Variants in DHTKD1 observed in about 807,000 individuals in gnomAD.
The protein encoded by DHTKD1 is 2-oxoadipate dehydrogenase complex component E1.
A neutral mutation model predicts 101.8 loss-of-function variants in DHTKD1; 78 were observed. The ratio of observed to expected loss-of-function variants is 0.77; its 90% CI spans 0.64 to 0.93. DHTKD1 has a LOEUF of 0.93. DHTKD1 is among the 40% of genes least tolerant of loss of function. The probability of loss-of-function intolerance (pLI) is 0.00; values close to 1 mark genes in which losing one functional copy is unlikely to be tolerated. For missense variants in DHTKD1, 1,223 were observed against 1,161.7 expected (o/e 1.05, Z -0.77); for synonymous variants, 462 against 450.3 (o/e 1.03, Z -0.33).
chr10:12,094,923 G>A (rs1833046098), intron 7 of DHTKD1, among the ~76,000 whole-genome samples: 1 of 152,186 alleles, frequency 6.6e-6, no homozygotes, highest in Admixed American at 6.6e-5. Context: ...TTACAGGCAT[G>A]AGCCACCGTG....
At position 12,112,496 on chromosome 10, in the gene DHTKD1, G is replaced by A. The variant is rs985411588; in HGVS notation, c.2155-404G>A. The stretch of plus-strand genomic sequence containing the variant: ...GCTTTTGATTTTTGTCTTAAAGCAC[G>A]CGTGCACACACACACACACACACAC... On this transcript the variant is annotated intron_variant, in intron 12 of 16. Transcript: ENST00000263035. 1.2e-4 allele frequency among the ~76,000 whole-genome samples: 6 copies of A among 48,976 alleles called. No homozygotes were observed. In the East Asian group the frequency reaches 1.9e-3, roughly 16 times the overall value. 32.1% of individuals were successfully genotyped at this position (48,976 alleles called of 152,430 possible).
intron 13 of DHTKD1, among the ~76,000 whole-genome samples, chr10:12,113,301 G>A (rs745599233): frequency 1.2e-4 from 19 of 152,094 alleles, no homozygotes; most frequent in Non-Finnish European, 2.6e-4. Flanking sequence ...GGGTTTAAGC[G>A]ATTCTCCCGC....
intron 2 of DHTKD1, among the ~76,000 whole-genome samples, chr10:12,082,621 T>C (rs1372894714): frequency 1.3e-5 from 2 of 151,422 alleles, no homozygotes; most frequent in Non-Finnish European, 2.9e-5. Flanking sequence ...TTTTTCTTTT[T>C]TTTTTTTGAG....
intron 1 of DHTKD1, among the ~76,000 whole-genome samples, chr10:12,074,080 T>G (rs557796849): frequency 6.6e-6 from 1 of 152,360 alleles, no homozygotes; most frequent in South Asian, 2.1e-4. Context: ...TTATGAACAG[T>G]AAACTGTTTG....
intron 12 of DHTKD1, among the ~76,000 whole-genome samples, chr10:12,111,773 T>G (rs1833333750): frequency 6.6e-6 from 1 of 152,058 alleles, no homozygotes; most frequent in African/African-American, 2.4e-5. Flanking sequence ...AGTTTAAAGG[T>G]GTGAATTAGT....
intron 1 of DHTKD1, among the ~76,000 whole-genome samples, chr10:12,070,228 G>A (rs985690250): frequency 6.6e-6 from 1 of 152,126 alleles, no homozygotes; most frequent in Non-Finnish European, 1.5e-5. Context: ...GCTCATTTGC[G>A]AGACTAATTT....
At chr10:12,109,611 G>T (rs1833299199) in intron 12 of DHTKD1, among the ~76,000 whole-genome samples, 1 of 151,818 alleles carries the variant, frequency 6.6e-6, no homozygotes, top group Non-Finnish European at 1.5e-5. Context: ...TGAAGAAGGA[G>T]CAACCAGTGA....
rs1833544351 is a variant in DHTKD1, at chr10:12,122,696, A to C, written c.*1808A>C. ...TCTTTATTTGAGGGACTTTCCCAAC[A>C]CCAGGTGCTTGGGGATTTCTTAGAG... On this transcript the variant is annotated 3_prime_UTR_variant, in exon 17 of 17. Transcript: ENST00000263035. 2.0e-5 allele frequency: 3 copies of C among 152,154 alleles called. No individual in the cohort carries two copies. The highest frequency in any genetic ancestry group is 7.2e-5 in the African/African-American group (3 of 41,438). 9.4% of individuals were successfully genotyped at this position (152,154 alleles called of 1,614,324 possible). A position where few individuals can be genotyped will look rare whatever the true frequency, so the allele number is the denominator to read the frequency against.
chr10:12,100,287 G>GTTTTTTTTTTTTTGTTTTTTTTTTTTTTT (rs1833144057), intron 9 of DHTKD1, 25 bp downstream of exon 9: 2 of 272,262 alleles, frequency 7.3e-6, no homozygotes, highest in Admixed American at 7.5e-5. Flanking sequence ...TTTTTTTTCT[G>GTTTTTTTTTTTTTGTTTTTTTTTTTTTTT]TTTTTTTTTT....
At position 12,120,816 on chromosome 10, in the gene DHTKD1, A is replaced by G. The variant is rs1275088659; in HGVS notation, c.2688A>G (p.Pro896=). 6.2e-7 allele frequency: 1 copy of G among 1,614,080 alleles called. No individual in the cohort carries two copies. Among genetic ancestry groups the G allele is most frequent in the East Asian group, 2.2e-5 (1 of 44,872 alleles). ...KLRLVGRPPL[P]VPAVGIGTVH... ...GTCTGGTGGGCCGGCCCCCTTTGCC[A>G]GTACCCGCTGTAGGAATTGGCACAG... Residue 896 remains proline, a synonymous_variant, in exon 17 of 17, where the codon CCA becomes CCG. Transcript: ENST00000263035.
chr10:12,081,742 G>A, intron 2 of DHTKD1, 115 bp downstream of exon 2: 1 of 1,162,008 alleles, frequency 8.6e-7, no homozygotes. Flanking sequence ...CAGGTGTGAG[G>A]AGACCCGAGG....
intron 14 of DHTKD1, among the ~76,000 whole-genome samples, chr10:12,118,516 G>A (rs1833457487): frequency 6.6e-6 from 1 of 151,668 alleles, no homozygotes; most frequent in Non-Finnish European, 1.5e-5. Flanking sequence ...CCGAGTAGCT[G>A]GGACTACAGG....
intron 1 of DHTKD1, among the ~76,000 whole-genome samples, chr10:12,075,695 A>G (rs2131347467): frequency 6.6e-6 from 1 of 152,234 alleles, no homozygotes; most frequent in South Asian, 2.1e-4. Context: ...TTTATGAATA[A>G]TTCTATTGCT....
At chr10:12,098,834 G>T (rs968217926) in intron 8 of DHTKD1, among the ~76,000 whole-genome samples, 5 of 152,106 alleles carry the variant, frequency 3.3e-5, no homozygotes, top group Non-Finnish European at 7.4e-5. Context: ...CAAAGTGCTG[G>T]GTTTACAGGT....
chr10:12,108,342 C>T (rs183284432), intron 12 of DHTKD1, among the ~76,000 whole-genome samples: 6 of 151,972 alleles, frequency 3.9e-5, no homozygotes, highest in South Asian at 2.1e-4. Context: ...TGCAGTGGTG[C>T]GATCTTGGCT....
Position 12,069,126 on chromosome 10 carries a change from C to T in DHTKD1, c.93C>T (p.Tyr31=), listed in dbSNP as rs750412332. Reference sequence around the variant, plus strand: ...GCTACCAGACCGAGCGGGGCGTTTACGGCTACCGGCCGAGGAAGCCCGAGA... The same window carrying T: ...GCTACCAGACCGAGCGGGGCGTTTATGGCTACCGGCCGAGGAAGCCCGAGA... ...WRGYQTERGV[Y]GYRPRKPESR... Residue 31 remains tyrosine, a synonymous_variant, in exon 1 of 17, where the codon TAC becomes TAT. Transcript: ENST00000263035. 1.2e-6 allele frequency: 2 copies of T among 1,601,128 alleles called. No homozygotes were observed. The highest frequency in any genetic ancestry group is 2.2e-5 in the South Asian group (2 of 89,424).
In DHTKD1 at chr10:12,089,129, C is replaced by G. The variant is rs1304627337; in HGVS notation, c.861C>G (p.Pro287=). 2 of 1,614,190 alleles carry G rather than the reference C, an allele frequency of 1.2e-6. No homozygotes were observed. Among genetic ancestry groups the G allele is most frequent in the Admixed American group, 3.3e-5 (2 of 59,994 alleles). Residue 287 remains proline (P), a synonymous_variant, in exon 5 of 17, where the codon CCC becomes CCG. Transcript: ENST00000263035. ...TCCATGTGACAATGTTGCCCAATCC[C>G]TCGCACCTGGAGGCCGTCAACCCCG... The part of the protein sequence containing the change: ...HPLHVTMLPN[P]SHLEAVNPVA...
chr10:12,112,723 T>C (rs1169269618), intron 12 of DHTKD1, among the ~76,000 whole-genome samples, 177 bp from the exon 13 acceptor site: 2 of 152,192 alleles, frequency 1.3e-5, no homozygotes, highest in Non-Finnish European at 2.9e-5. Context: ...AGAGCTCTCC[T>C]TTGGTTAATA....
Position 12,087,474 on chromosome 10 carries a change from G to T in DHTKD1, c.523-61G>T. The stretch of plus-strand genomic sequence containing the variant: ...TCTCACAACACACACAGACTTATCT[G>T]CCTTCCACTGGAGAAGCTGGCTGTC... On this transcript the variant is annotated intron_variant, in intron 3 of 16. Transcript: ENST00000263035. This position sits in a 1 kb window ranked among gnomAD's most constrained non-coding sequence, Gnocchi z 5.2. 1 of 1,456,988 alleles carries T rather than the reference G, an allele frequency of 6.9e-7. No homozygotes were observed. The highest frequency in any genetic ancestry group is 9.3e-7 in the Non-Finnish European group (1 of 1,069,828). 90.3% of individuals were successfully genotyped at this position (1,456,988 alleles called of 1,614,324 possible). A position where few individuals can be genotyped will look rare whatever the true frequency, so the allele number is the denominator to read the frequency against.
Sources: allele counts gnomAD v4.1 joint callset (sites outside exome capture counted in the v4.1 genomes callset), GRCh38; gene constraint gnomAD v4.1.1; non-coding constraint Gnocchi (gnomAD v3.1); transcripts MANE v1.5; gene names NCBI Gene and HGNC (gene_info 2026-07-23, HGNC 2026-07-21).